Variants in PLEC observed in about 807,000 individuals in gnomAD.
The protein encoded by PLEC is hemidesmosomal protein 1.
PLEC carries 216 observed loss-of-function variants against 392.8 expected under a neutral mutation model. The observed-to-expected ratio is 0.55, with a 90% CI of 0.49 to 0.62. PLEC has a LOEUF of 0.62. PLEC is among the 20% of genes least tolerant of loss of function. PLEC has a pLI of 0.00. For missense variants in PLEC, 6,863 were observed against 6,563.4 expected (o/e 1.05, Z -1.58); for synonymous variants, 3,621 against 2,980.6 (o/e 1.21, Z -7.00).
At chr8:143,952,107 G>T (rs1306383166), upstream of PLEC, among the ~76,000 whole-genome samples, 4 of 152,152 alleles carry the variant, frequency 2.6e-5, no homozygotes, top group Non-Finnish European at 5.9e-5. Context: ...GCCAGCAGCC[G>T]GCAGGCGGCC....
chr8:143,923,266 G>A lies in PLEC; in HGVS notation c.6663C>T (p.Arg2221=), dbSNP rs1224503361. Reference sequence around the variant, plus strand: ...GCTCCTCCTCCACCTGGCTGCGCTGGCGTGCGGCCTCCGTGGCCTCCGCCT... The same window carrying A: ...GCTCCTCCTCCACCTGGCTGCGCTGACGTGCGGCCTCCGTGGCCTCCGCCT... ...RLKAEATEAA[R]QRSQVEEELF... is the part of the protein sequence containing the mutation. Residue 2221 remains arginine, a synonymous_variant, in exon 31 of 32, where the codon CGC becomes CGT. Transcript: ENST00000345136. 6.2e-7 allele frequency: 1 copy of A among 1,605,980 alleles called. No homozygotes were observed. Among genetic ancestry groups the A allele is most frequent in the Non-Finnish European group, 8.5e-7 (1 of 1,179,774 alleles).
intron 1 of PLEC, among the ~76,000 whole-genome samples, chr8:143,960,268 G>A (rs1312338572): frequency 6.7e-6 from 1 of 150,036 alleles, no homozygotes; most frequent in African/African-American, 2.5e-5. Context: ...GGCAACAAGA[G>A]CGAAACTCCG....
chr8:143,927,207 C>T (rs1554706817), intron 28 of PLEC, 45 bp downstream of exon 28: 2 of 1,594,438 alleles, frequency 1.3e-6, no homozygotes, highest in African/African-American at 2.7e-5. Flanking sequence ...ATCATCCTGG[C>T]AACGGTCCCG....
In PLEC at chr8:143,929,608, C is replaced by T. The variant is rs782683890; in HGVS notation, c.2924-37G>A. 3.6e-5 allele frequency: 58 copies of T among 1,610,714 alleles called. No homozygotes were observed. In the Middle Eastern group the frequency reaches 6.6e-4, roughly 18 times the overall value. ...ATGTGGGTCACTCCACCGCCCACCTCGCACCAGCCCAACCGCCCCAGCCCT... is the reference window on the plus strand; with the variant it reads ...ATGTGGGTCACTCCACCGCCCACCTTGCACCAGCCCAACCGCCCCAGCCCT... On this transcript the variant is annotated intron_variant, in intron 23 of 31. Transcript: ENST00000345136.
chr8:143,953,607 AC>A, upstream of PLEC: 1 of 1,102,058 alleles, frequency 9.1e-7, no homozygotes. Context: ...TGGCTCAGCG[AC>A]CCACAGTGTC....
At chr8:143,933,914 GCCCCCT>G in intron 12 of PLEC, 78 bp downstream of exon 12, 1 of 1,229,100 alleles carries the variant, frequency 8.1e-7, no homozygotes, top group Non-Finnish European at 1.2e-6. Flanking sequence ...CAGGGGGACA[GCCCCCT>G]CCTGGCTTTA....
upstream of PLEC, among the ~76,000 whole-genome samples, chr8:143,941,202 T>G (rs1830396477): frequency 6.6e-6 from 1 of 152,060 alleles, no homozygotes; most frequent in African/African-American, 2.4e-5. Context: ...CGTGACCAGG[T>G]GGCTCCTGCC....
upstream of PLEC, among the ~76,000 whole-genome samples, chr8:143,951,412 G>T (rs1021838491): frequency 6.6e-6 from 1 of 152,172 alleles, no homozygotes; most frequent in African/African-American, 2.4e-5. Context: ...GGGGGCAGCT[G>T]CCACAGCACA....
rs1825301705 is a variant in PLEC, at chr8:143,926,681, A to G, written c.4044+103T>C. The G allele has an allele frequency of 3.2e-6, 3 of 944,360 alleles. No individual in the cohort carries two copies. In the African/African-American group the frequency reaches 4.8e-5, roughly 15 times the overall value. 58.5% of individuals were successfully genotyped at this position (944,360 alleles called of 1,614,324 possible). On this transcript the variant is annotated intron_variant, in intron 30 of 31. Transcript: ENST00000345136. ...GGCAGCGCCAGTGGGGAGAGTGGGG[A>G]GGGCCACGAGAGGTGGCCTCAGGCA...
In PLEC at chr8:143,922,128, C is replaced by T. The variant is rs1554688445; in HGVS notation, c.7693G>A (p.Gly2565Ser). ...AGCTCCTCCTGCTTGCGCCGCACGC[C>T]CTCCTCGGCCTCATGCTGCCGCCGC... The part of the protein sequence containing the change: ...ARRRQHEAEE[G>S]VRRKQEELQQ... Residue 2565 changes from glycine (G) to serine (S), a missense_variant, in exon 32 of 32, where the codon GGC becomes AGC. Transcript: ENST00000345136. 2 of 1,541,212 alleles carry T rather than the reference C, an allele frequency of 1.3e-6. No individual in the cohort carries two copies. The highest frequency in any genetic ancestry group is 1.7e-6 in the Non-Finnish European group (2 of 1,149,328).
At position 143,930,381 on chromosome 8, in the gene PLEC, C is replaced by G; in HGVS notation, c.2457+3G>C. 6.4e-7 allele frequency: 1 copy of G among 1,571,432 alleles called. No homozygotes were observed. The highest frequency in any genetic ancestry group is 8.6e-7 in the Non-Finnish European group (1 of 1,162,652). ...CCCCAGTGGACCCCCGGCCTGCGCT[C>G]ACCTCCACCTGCTTATAGTCGCACA... On this transcript the variant is annotated splice_donor_region_variant and intron_variant, in intron 20 of 31. Coordinates refer to ENST00000345136, the MANE Select transcript of PLEC (RefSeq NM_201384.3).
chr8:143,975,063 C>A (rs1833610631), upstream of PLEC: 2 of 1,204,646 alleles, frequency 1.7e-6, no homozygotes, highest in African/African-American at 3.0e-5. The surrounding 1 kb of genome is among the most constrained non-coding windows in gnomAD (Gnocchi z 9.9). Flanking sequence ...CCGTGACCCG[C>A]AGATCCCCCT....
rs954466324 is a variant in PLEC, at chr8:143,924,517, G to A, written c.5412C>T (p.Ala1804=). ...CCTCTTCCGCCAGGGCACGCAGGCGGGCGGCCTCCTCGGCCAGCTCGCGGA... is the reference window on the plus strand; with the variant it reads ...CCTCTTCCGCCAGGGCACGCAGGCGAGCGGCCTCCTCGGCCAGCTCGCGGA... ...GRFRELAEEA[A]RLRALAEEAK... Residue 1804 remains alanine (A), a synonymous_variant, in exon 31 of 32, where the codon GCC becomes GCT. Transcript: ENST00000345136. 1 of 1,539,282 alleles carries A rather than the reference G, an allele frequency of 6.5e-7. No homozygotes were observed. Among genetic ancestry groups the A allele is most frequent in the Non-Finnish European group, 8.7e-7 (1 of 1,149,174 alleles).
upstream of PLEC, among the ~76,000 whole-genome samples, chr8:143,974,559 C>T (rs1833590503): frequency 6.6e-6 from 1 of 152,244 alleles, no homozygotes; most frequent in Non-Finnish European, 1.5e-5. The surrounding 1 kb of genome is among the most constrained non-coding windows in gnomAD (Gnocchi z 5.9). Context: ...CCTGGCCTTG[C>T]AGCCCTCTCC....
At chr8:143,966,677 A>C (rs1554742329) in intron 1 of PLEC, among the ~76,000 whole-genome samples, 3 of 151,892 alleles carry the variant, frequency 2.0e-5, no homozygotes, top group African/African-American at 7.3e-5. Flanking sequence ...GAAGCAACAC[A>C]TAGTCCCCGC....
At position 143,925,734 on chromosome 8, in the gene PLEC, C is replaced by T; in HGVS notation, c.4195G>A (p.Glu1399Lys). Reference sequence around the variant, plus strand: ...GCCTCCTCCCGCCGCACCACCTCCTCCTGCATGCGCTGCTGCAGCTCCTTC... The same window carrying T: ...GCCTCCTCCCGCCGCACCACCTCCTTCTGCATGCGCTGCTGCAGCTCCTTC... ...EAKELQQRMQ[E>K]EVVRREEAAV... Residue 1399 changes from glutamate to lysine, a missense_variant, in exon 31 of 32, where the codon GAG becomes AAG. Glu to Lys is a moderately conservative substitution (Grantham distance 56). Transcript: ENST00000345136. 1.3e-6 allele frequency: 2 copies of T among 1,595,494 alleles called. No homozygotes were observed. Among genetic ancestry groups the T allele is most frequent in the Non-Finnish European group, 1.7e-6 (2 of 1,177,914 alleles).
chr8:143,930,345 C>A, intron 20 of PLEC, 39 bp downstream of exon 20: 1 of 1,583,320 alleles, frequency 6.3e-7, no homozygotes. Flanking sequence ...CCTGCCCTGC[C>A]TGGCCACGCC....
intron 20 of PLEC, 34 bp from the exon 21 acceptor site, chr8:143,930,332 C>T (rs782642279): frequency 4.4e-6 from 7 of 1,591,716 alleles, no homozygotes; most frequent in Middle Eastern, 1.7e-4. Context: ...GACATGGCCA[C>T]ACCCTGCCCT....
In PLEC at chr8:143,973,073, G is replaced by A. The variant is rs112716064; in HGVS notation, c.70+330C>T. On this transcript the variant is annotated intron_variant, in intron 1 of 31. Coordinates refer to the PLEC transcript ENST00000356346. This position sits in a 1 kb window ranked among gnomAD's most constrained non-coding sequence, Gnocchi z 5.6. ...CAGAGGTGGGGCAGGGGATGGCTCA[G>A]CCTTGACCCATGTGTCTGCTGGCCA... Among the ~76,000 whole-genome samples the A allele has an allele frequency of 2.7e-4, 41 of 152,286 alleles. No homozygotes were observed. Among genetic ancestry groups the A allele is most frequent in the African/African-American group, 9.6e-4 (40 of 41,562 alleles).
Sources: gnomAD v4.1 joint callset for allele counts (sites outside exome capture counted in the v4.1 genomes callset) on GRCh38, gnomAD v4.1.1 for gene constraint, Gnocchi (gnomAD v3.1) non-coding constraint, MANE v1.5 for transcripts, NCBI Gene and HGNC (gene_info 2026-07-23, HGNC 2026-07-21) for gene names.